DNAH7: variants seen among roughly 807,000 people sequenced by gnomAD.
DNAH7 encodes the protein dynein axonemal heavy chain 7, also known as axonemal beta dynein heavy chain 7.
In DNAH7, 397 loss-of-function variants were observed where a neutral mutation model predicts 444.6. The ratio of observed to expected loss-of-function variants is 0.89; its 90% CI spans 0.82 to 0.97. DNAH7 has a LOEUF of 0.97. DNAH7 is among the 50% of genes least tolerant of loss of function. The pLI, the probability that DNAH7 is intolerant of heterozygous loss-of-function variation, is 0.00. For synonymous variants in DNAH7, 1,636 were observed against 1,624.4 expected, an observed-to-expected ratio of 1.01 and a Z score of -0.17; for missense variants, 4,902 against 4,800.8, an observed-to-expected ratio of 1.02 and a Z score of -0.62.
chr2:195,852,212 C>T (rs546493501), intron 46 of DNAH7, among the ~76,000 whole-genome samples: 5 of 152,088 alleles, frequency 3.3e-5, no homozygotes, highest in African/African-American at 9.6e-5. Context: ...GAGCCGAGAT[C>T]GCACCACTGC....
chr2:195,906,769 C>T lies in DNAH7; in HGVS notation c.4225G>A (p.Asp1409Asn), dbSNP rs1487014283. The T allele has an allele frequency of 6.2e-7, 1 of 1,613,320 alleles. No homozygotes were observed. Among genetic ancestry groups the T allele is most frequent in the Non-Finnish European group, 8.5e-7 (1 of 1,179,546 alleles). ...TCAGTTCCTTCAAACATCAGTATATCAGCACCTGCATTAATACCTGTAGGT... is the reference window on the plus strand; with the variant it reads ...TCAGTTCCTTCAAACATCAGTATATTAGCACCTGCATTAATACCTGTAGGT... ...TIQRGINAGA[D>N]ILMFEGTELK... The change falls in exon 27 of 65, where the codon GAT (aspartate) becomes AAT (asparagine). Residue 1409 changes from aspartate to asparagine, a missense_variant. Physicochemically the swap from Asp to Asn is conservative, Grantham distance 23 (BLOSUM62 1). Coordinates refer to ENST00000312428, the MANE Select transcript of DNAH7 (RefSeq NM_018897.3).
intron 16 of DNAH7, 102 bp from the exon 17 acceptor site, chr2:195,970,196 G>T (rs899626987): frequency 4.6e-6 from 5 of 1,097,990 alleles, no homozygotes; most frequent in South Asian, 4.0e-5. Flanking sequence ...ATTATATTTT[G>T]TCACTGGTAA....
chr2:195,938,790 G>A (rs1485539870), intron 19 of DNAH7, among the ~76,000 whole-genome samples: 2 of 152,062 alleles, frequency 1.3e-5, no homozygotes, highest in Non-Finnish European at 2.9e-5. Flanking sequence ...AACCAAATAT[G>A]CTACTTTTAA....
At chr2:195,990,356 G>A (rs1693216502) in intron 12 of DNAH7, among the ~76,000 whole-genome samples, 2 of 152,016 alleles carry the variant, frequency 1.3e-5, no homozygotes, top group Non-Finnish European at 2.9e-5. Context: ...TATGCTCTTG[G>A]TGCCTTTGTC....
chr2:195,933,341 C>CGATT (rs1688828927), intron 21 of DNAH7, among the ~76,000 whole-genome samples: 1 of 152,124 alleles, frequency 6.6e-6, no homozygotes, highest in Non-Finnish European at 1.5e-5. Flanking sequence ...GTCAGTGTGG[C>CGATT]GATTCCTCAG....
chr2:195,763,412 A>G (rs1007356368), intron 61 of DNAH7, among the ~76,000 whole-genome samples: 2 of 152,086 alleles, frequency 1.3e-5, no homozygotes, highest in East Asian at 3.8e-4. Flanking sequence ...TTAAATGAAG[A>G]AAGTACATAA....
At chr2:195,853,192 A>G in intron 46 of DNAH7, 151 bp downstream of exon 46, 1 of 618,432 alleles carries the variant, frequency 1.6e-6, no homozygotes, top group Non-Finnish European at 2.6e-6. Context: ...TAATTTACAG[A>G]ATAATTAAAA....
At chr2:195,949,182 A>AT (rs1160904119) in intron 19 of DNAH7, among the ~76,000 whole-genome samples, 1 of 152,098 alleles carries the variant, frequency 6.6e-6, no homozygotes, top group Non-Finnish European at 1.5e-5. Flanking sequence ...GCTTAAGGAG[A>AT]TTTTGGGCTG....
chr2:195,914,711 T>C (rs763564378), intron 24 of DNAH7, among the ~76,000 whole-genome samples: 1 of 152,228 alleles, frequency 6.6e-6, no homozygotes, highest in Non-Finnish European at 1.5e-5. Flanking sequence ...TCACCCAGGC[T>C]GGAGTGCGGT....
intron 46 of DNAH7, among the ~76,000 whole-genome samples, chr2:195,851,647 G>A (rs1699369670): frequency 6.6e-6 from 1 of 152,278 alleles, no homozygotes; most frequent in East Asian, 1.9e-4. Context: ...CTTGGACTGA[G>A]TCTGTCAGAG....
At position 195,876,620 on chromosome 2, in the gene DNAH7, T is replaced by C; in HGVS notation, c.6041A>G (p.Gln2014Arg). 1 of 1,611,208 alleles carries C rather than the reference T, an allele frequency of 6.2e-7. No homozygotes were observed. The highest frequency in any genetic ancestry group is 1.1e-5 in the South Asian group (1 of 90,992). Residue 2014 changes from glutamine to arginine, a missense_variant, in exon 37 of 65, where the codon CAA becomes CGA. Coordinates refer to ENST00000312428, the MANE Select transcript of DNAH7 (RefSeq NM_018897.3). ...INFSAQTTAA[Q>R]TQNIVMSKLD... ...TTTTGACATGACAATATTCTGAGTT[T>C]GAGCTGCTGTAGTTTGTGCTGAGAA...
intron 7 of DNAH7, among the ~76,000 whole-genome samples, chr2:196,026,033 G>A (rs1375632572): frequency 6.6e-6 from 1 of 152,138 alleles, no homozygotes; most frequent in Admixed American, 6.6e-5. Flanking sequence ...GTCAGCCTTA[G>A]AATCTATTTG....
chr2:195,975,210 G>T (rs182281437), intron 15 of DNAH7, among the ~76,000 whole-genome samples: 1 of 152,170 alleles, frequency 6.6e-6, no homozygotes, highest in Non-Finnish European at 1.5e-5. Flanking sequence ...AAGAGGGTAG[G>T]AAAGATAGTC....
chr2:195,811,721 T>G (rs1696977855), intron 51 of DNAH7, among the ~76,000 whole-genome samples: 1 of 152,102 alleles, frequency 6.6e-6, no homozygotes, highest in Non-Finnish European at 1.5e-5. Context: ...TCCTAAAACT[T>G]ATGTTTCAGA....
chr2:195,818,068 C>A (rs982941050), intron 49 of DNAH7, among the ~76,000 whole-genome samples: 22 of 152,174 alleles, frequency 1.4e-4, no homozygotes, highest in Non-Finnish European at 2.6e-4. Flanking sequence ...GTTTGGTGAT[C>A]AACTTATTCT....
At chr2:195,935,867 G>A (rs1426910509) in intron 20 of DNAH7, among the ~76,000 whole-genome samples, 3 of 152,124 alleles carry the variant, frequency 2.0e-5, no homozygotes, top group African/African-American at 7.2e-5. Context: ...ACAGTACACT[G>A]AGAAAGGAGG....
chr2:195,957,155 C>G, intron 19 of DNAH7, 106 bp downstream of exon 19: 1 of 961,494 alleles, frequency 1.0e-6, no homozygotes, highest in Non-Finnish European at 1.4e-6. Flanking sequence ...ATGTATGAAA[C>G]AGATAATGGC....
intron 48 of DNAH7, among the ~76,000 whole-genome samples, chr2:195,826,264 T>A (rs1250724296): frequency 6.6e-6 from 1 of 152,214 alleles, no homozygotes. Context: ...AGAGTTGCAA[T>A]GAGCACTCAT....
At chr2:195,953,689 G>A (rs1314223868) in intron 19 of DNAH7, among the ~76,000 whole-genome samples, 1 of 152,248 alleles carries the variant, frequency 6.6e-6, no homozygotes, top group Non-Finnish European at 1.5e-5. Flanking sequence ...CTGAGCTGCA[G>A]TGTTCTGGGC....
Sources: gnomAD v4.1 joint callset for allele counts (sites outside exome capture counted in the v4.1 genomes callset) on GRCh38, gnomAD v4.1.1 for gene constraint, MANE v1.5 for transcripts, NCBI Gene and HGNC (gene_info 2026-07-23, HGNC 2026-07-21) for gene names.